Variants in AIG1 observed in about 807,000 individuals in gnomAD.
AIG1 encodes androgen induced 1, also known as androgen-induced gene 1 protein.
In AIG1, 23 loss-of-function variants were observed where a neutral mutation model predicts 31.4. The ratio of observed to expected loss-of-function variants is 0.73; its 90% CI spans 0.53 to 1.04. The LOEUF is 1.04. Among genes scored for constraint, AIG1 ranks in the 50% least tolerant of loss-of-function variants. The probability of loss-of-function intolerance (pLI) is 0.00; values close to 1 mark genes in which losing one functional copy is unlikely to be tolerated. For synonymous variants in AIG1, 100 were observed against 110.5 expected, an observed-to-expected ratio of 0.90 and a Z score of 0.60; for missense variants, 274 against 295.0, an observed-to-expected ratio of 0.93 and a Z score of 0.52.
intron 2 of AIG1, among the ~76,000 whole-genome samples, chr6:143,151,097 G>A (rs1423701131): frequency 6.6e-6 from 1 of 151,680 alleles, no homozygotes; most frequent in Non-Finnish European, 1.5e-5. Context: ...AATTTTTTTT[G>A]CTAACTCCTC....
chr6:143,281,879 C>T (rs1284051403), intron 3 of AIG1, among the ~76,000 whole-genome samples: 1 of 152,182 alleles, frequency 6.6e-6, no homozygotes, highest in Non-Finnish European at 1.5e-5. Flanking sequence ...GATCTTTTGT[C>T]TGTGGTTATG....
In AIG1 at chr6:143,303,894, T is replaced by G. The variant is rs1214019548; in HGVS notation, c.515+19669T>G. The stretch of plus-strand genomic sequence containing the variant: ...TCTTCCATTTGTTTGTATCCTCTTT[T>G]ATTTCATTGAGCAGTGGTTTGTAGT... On this transcript the variant is annotated intron_variant, in intron 4 of 5. Transcript: ENST00000357847. 8.1e-5 allele frequency among the ~76,000 whole-genome samples: 12 copies of G among 147,780 alleles called. No homozygotes were observed. The South Asian group carries it at 8.9e-4, about 11-fold the overall frequency.
chr6:143,190,405 AT>A (rs144893187), intron 3 of AIG1: 168,216 of 985,256 alleles, frequency 0.17, 15,357 homozygotes, highest in Non-Finnish European at 0.19. Context: ...TCCTGGTGAT[AT>A]TTTCCATTTA....
chr6:143,186,589 A>C (rs1789277484), intron 3 of AIG1: 1 of 152,216 alleles, frequency 6.6e-6, no homozygotes, highest in Non-Finnish European at 1.5e-5. Flanking sequence ...GTTAGTAAAC[A>C]TTCCTTCTGA....
intron 2 of AIG1, among the ~76,000 whole-genome samples, chr6:143,145,838 A>G (rs867103104): frequency 3.9e-5 from 6 of 152,252 alleles, no homozygotes; most frequent in Non-Finnish European, 5.9e-5. Context: ...AAAAATATAT[A>G]CAGTAAAGTT....
intron 1 of AIG1, among the ~76,000 whole-genome samples, chr6:143,117,128 T>C (rs1562392469): frequency 6.6e-6 from 1 of 151,962 alleles, no homozygotes; most frequent in Admixed American, 6.6e-5. Context: ...AACATTTGAA[T>C]GAAGAGCTGG....
intron 4 of AIG1, among the ~76,000 whole-genome samples, chr6:143,295,448 C>A (rs1024259809): frequency 6.6e-6 from 1 of 152,086 alleles, no homozygotes; most frequent in Non-Finnish European, 1.5e-5. Context: ...CATTACCGGA[C>A]CCCTGCTGAC....
At chr6:143,273,083 CAT>C (rs1796648090) in intron 3 of AIG1, among the ~76,000 whole-genome samples, 1 of 152,134 alleles carries the variant, frequency 6.6e-6, no homozygotes, top group Non-Finnish European at 1.5e-5. Flanking sequence ...GAGCTGAGAT[CAT>C]GCCATTGCAC....
intron 1 of AIG1, among the ~76,000 whole-genome samples, chr6:143,094,872 T>G (rs1053818116): frequency 4.6e-5 from 7 of 152,244 alleles, no homozygotes; most frequent in Admixed American, 2.0e-4. Context: ...CAAAAAAGTT[T>G]AGAAAACTGT....
At chr6:143,084,124 C>T (rs1194351312) in intron 1 of AIG1, among the ~76,000 whole-genome samples, 1 of 152,128 alleles carries the variant, frequency 6.6e-6, no homozygotes, top group Non-Finnish European at 1.5e-5. Context: ...GTCCAGGAGA[C>T]AGTTAACCTT....
chr6:143,329,247 C>T lies in AIG1; in HGVS notation c.516-4035C>T, dbSNP rs552699864. Among the ~76,000 whole-genome samples the T allele has an allele frequency of 1.8e-4, 27 of 152,260 alleles. No homozygotes were observed. The East Asian group carries it at 4.6e-3, about 26-fold the overall frequency. ...CCTCATTTAGGGAAGCAAGTCCATG[C>T]AGCAAAAAAGAAATCAGATGTGCAC... On this transcript the variant is annotated intron_variant, in intron 4 of 5. Coordinates refer to ENST00000357847, the MANE Select transcript of AIG1 (RefSeq NM_016108.4). The surrounding 1 kb of genome is among the most constrained non-coding windows in gnomAD (Gnocchi z 4.9).
In AIG1 at chr6:143,334,905, A is replaced by G. The variant is rs1777357185; in HGVS notation, c.679+1460A>G. ...CACTAGAGAGAAATATCCACTCTAC[A>G]TTAATAGAATACTGCTTTTTAGCAG... On this transcript the variant is annotated intron_variant, in intron 5 of 5. Transcript: ENST00000357847. This position sits in a 1 kb window ranked among gnomAD's most constrained non-coding sequence, Gnocchi z 5.1. The G allele has an allele frequency of 4.2e-6, 2 of 476,138 alleles. No individual in the cohort carries two copies. Among genetic ancestry groups the G allele is most frequent in the Non-Finnish European group, 7.2e-6 (2 of 276,822 alleles). The allele number at this position is 476,138 out of a possible 1,614,324, so 29.5% of individuals were successfully genotyped here.
rs1456882100 is a variant in AIG1, at chr6:143,338,178, A to C, written c.680-1461A>C. ...ATAGCTTCTCCACAGGAGAGGGAAT[A>C]TGGACAGAGCTGAGGTTCAAGACAC... On this transcript the variant is annotated intron_variant, in intron 5 of 5. Transcript: ENST00000357847. This position sits in a 1 kb window ranked among gnomAD's most constrained non-coding sequence, Gnocchi z 4.3. The C allele has an allele frequency of 2.5e-6, 1 of 396,124 alleles. No homozygotes were observed. Among genetic ancestry groups the C allele is most frequent in the Non-Finnish European group, 4.4e-6 (1 of 225,022 alleles). 24.5% of individuals were successfully genotyped at this position (396,124 alleles called of 1,614,324 possible).
At chr6:143,131,503 A>T (rs1783237012) in intron 1 of AIG1, among the ~76,000 whole-genome samples, 1 of 152,188 alleles carries the variant, frequency 6.6e-6, no homozygotes, top group Non-Finnish European at 1.5e-5. Flanking sequence ...CCAATGAGAG[A>T]TGAGGAAAGC....
At chr6:143,131,960 A>G (rs1297620082) in intron 1 of AIG1, among the ~76,000 whole-genome samples, 2 of 152,180 alleles carry the variant, frequency 1.3e-5, no homozygotes, top group African/African-American at 4.8e-5. Flanking sequence ...GTGGTTTACA[A>G]TATGCATATT....
intron 3 of AIG1, among the ~76,000 whole-genome samples, chr6:143,206,628 T>C (rs746302114): frequency 9.8e-5 from 15 of 152,328 alleles, no homozygotes; most frequent in East Asian, 1.9e-4. Flanking sequence ...GTAATAGTTC[T>C]TTTAACCCTC....
At chr6:143,208,384 T>G (rs946456959) in intron 3 of AIG1, among the ~76,000 whole-genome samples, 3 of 152,130 alleles carry the variant, frequency 2.0e-5, no homozygotes, top group Non-Finnish European at 4.4e-5. Context: ...GCTGAGAGCT[T>G]ACATTTGCAT....
intron 4 of AIG1, among the ~76,000 whole-genome samples, chr6:143,290,821 A>C (rs1374902590): frequency 6.6e-6 from 1 of 152,172 alleles, no homozygotes; most frequent in African/African-American, 2.4e-5. Flanking sequence ...AACAATAAGT[A>C]TCTCACATTC....
chr6:143,191,723 A>T (rs926873961), intron 3 of AIG1, among the ~76,000 whole-genome samples: 1 of 152,144 alleles, frequency 6.6e-6, no homozygotes, highest in African/African-American at 2.4e-5. Context: ...AAAGAAAGGG[A>T]AAGGGAGAGG....
Sources: gnomAD v4.1 joint callset for allele counts (sites outside exome capture counted in the v4.1 genomes callset) on GRCh38, gnomAD v4.1.1 for gene constraint, Gnocchi (gnomAD v3.1) non-coding constraint, MANE v1.5 for transcripts, NCBI Gene and HGNC (gene_info 2026-07-23, HGNC 2026-07-21) for gene names.